Variants in HTR2A observed in about 807,000 individuals in gnomAD.
HTR2A encodes the protein 5-hydroxytryptamine receptor 2A, also known as 5-HT2 receptor.
In HTR2A, 14 loss-of-function variants were observed where a neutral mutation model predicts 31.0. The ratio of observed to expected loss-of-function variants is 0.45; its 90% CI spans 0.30 to 0.71. The LOEUF is 0.71. Among genes scored for constraint, HTR2A ranks in the 30% least tolerant of loss-of-function variants. The pLI is 0.09. For synonymous variants in HTR2A, 209 were observed against 225.2 expected (o/e 0.93, Z 0.64); for missense variants, 442 against 573.3 (o/e 0.77, Z 2.34).
At chr13:46,864,255 G>C (rs1950803327) in intron 3 of HTR2A, among the ~76,000 whole-genome samples, 1 of 152,180 alleles carries the variant, frequency 6.6e-6, no homozygotes, top group Non-Finnish European at 1.5e-5. Flanking sequence ...TGGAGGGTGG[G>C]GCCTGGGAGG....
chr13:46,885,253 G>A (rs1950997514), intron 3 of HTR2A, among the ~76,000 whole-genome samples: 2 of 152,192 alleles, frequency 1.3e-5, no homozygotes, highest in South Asian at 4.1e-4. Context: ...GATAGCATCT[G>A]CAGTGTGGAT....
intron 3 of HTR2A, among the ~76,000 whole-genome samples, chr13:46,863,657 A>AAAAAAAAAAAAAAAAAAAAAAAAAG (rs1566309853): frequency 8.5e-6 from 1 of 118,256 alleles, no homozygotes; most frequent in Non-Finnish European, 1.7e-5. Flanking sequence ...AAAGAAAAAA[A>AAAAAAAAAAAAAAAAAAAAAAAAAG]AAAAAGACAG....
chr13:46,849,169 C>T (rs1305794104), intron 3 of HTR2A, among the ~76,000 whole-genome samples: 1 of 152,214 alleles, frequency 6.6e-6, no homozygotes, highest in African/African-American at 2.4e-5. Flanking sequence ...AGCTTAAAAA[C>T]TTAGGAGTCT....
At chr13:46,842,363 T>C (rs1198576566) in intron 3 of HTR2A, among the ~76,000 whole-genome samples, 1 of 152,180 alleles carries the variant, frequency 6.6e-6, no homozygotes, top group African/African-American at 2.4e-5. Context: ...AGGGGGCAGA[T>C]TTTGGAGTGA....
intron 3 of HTR2A, among the ~76,000 whole-genome samples, chr13:46,867,201 AAGTC>A (rs1950824613): frequency 6.6e-6 from 1 of 152,332 alleles, no homozygotes; most frequent in Admixed American, 6.5e-5. Flanking sequence ...GTCCAAGTTT[AAGTC>A]CAGACATAAG....
intron 3 of HTR2A, among the ~76,000 whole-genome samples, chr13:46,851,078 G>A (rs1338423510): frequency 6.6e-6 from 1 of 152,188 alleles, no homozygotes; most frequent in Non-Finnish European, 1.5e-5. Flanking sequence ...TTTCAGGAAA[G>A]AGGTAATTAT....
At chr13:46,849,089 T>C (rs1220794863) in intron 3 of HTR2A, among the ~76,000 whole-genome samples, 2 of 152,172 alleles carry the variant, frequency 1.3e-5, no homozygotes, top group Non-Finnish European at 2.9e-5. Flanking sequence ...ACTAGGACTC[T>C]GGGTTGCACT....
chr13:46,867,988 G>A (rs1202129641), intron 3 of HTR2A, among the ~76,000 whole-genome samples: 2 of 152,126 alleles, frequency 1.3e-5, no homozygotes, highest in Non-Finnish European at 2.9e-5. Flanking sequence ...GTGGAAAATA[G>A]AATGGTTCAT....
intron 3 of HTR2A, among the ~76,000 whole-genome samples, chr13:46,847,239 A>C (rs953452976): frequency 6.6e-6 from 1 of 152,210 alleles, no homozygotes. Context: ...TCTTTCAAAG[A>C]TAGTTCTGCT....
intron 1 of HTR2A, 138 bp downstream of exon 1, chr13:46,896,534 CAA>C: frequency 1.4e-6 from 1 of 725,332 alleles, no homozygotes; most frequent in Admixed American, 3.5e-5. Context: ...AAAAGGAAAA[CAA>C]AAAAGTCTTA....
intron 3 of HTR2A, among the ~76,000 whole-genome samples, chr13:46,839,589 A>G (rs1950583618): frequency 2.0e-5 from 3 of 152,210 alleles, no homozygotes; most frequent in Admixed American, 6.5e-5. Flanking sequence ...TCCTTTATGA[A>G]CAAAACAGAC....
intron 3 of HTR2A, among the ~76,000 whole-genome samples, chr13:46,843,675 C>T (rs939180536): frequency 5.9e-5 from 9 of 152,114 alleles, no homozygotes; most frequent in Non-Finnish European, 1.0e-4. Context: ...GCAATCTAAA[C>T]GGCTACTGGG....
chr13:46,862,915 T>A (rs867434173), intron 3 of HTR2A, among the ~76,000 whole-genome samples: 2 of 152,262 alleles, frequency 1.3e-5, no homozygotes, highest in Non-Finnish European at 1.5e-5. Flanking sequence ...TGTAAATGAC[T>A]TAAATCACTA....
At chr13:46,876,268 C>A (rs758601684) in intron 3 of HTR2A, among the ~76,000 whole-genome samples, 2 of 151,972 alleles carry the variant, frequency 1.3e-5, no homozygotes, top group African/African-American at 4.8e-5. Flanking sequence ...CATCTCTGAT[C>A]CCCAATTTTT....
chr13:46,863,025 A>G (rs1387406411), intron 3 of HTR2A, among the ~76,000 whole-genome samples: 1 of 152,138 alleles, frequency 6.6e-6, no homozygotes, highest in South Asian at 2.1e-4. Context: ...TTCTGGTATA[A>G]CACTAGTTAC....
chr13:46,851,446 G>T (rs1950684373), intron 3 of HTR2A, among the ~76,000 whole-genome samples: 1 of 152,192 alleles, frequency 6.6e-6, no homozygotes, highest in African/African-American at 2.4e-5. Context: ...ATCCTGTGGA[G>T]AAGTTAATTT....
chr13:46,884,449 G>C (rs1269680462), intron 3 of HTR2A, among the ~76,000 whole-genome samples: 1 of 152,158 alleles, frequency 6.6e-6, no homozygotes, highest in Non-Finnish European at 1.5e-5. Flanking sequence ...CGGATCACGA[G>C]GTCAGGACAT....
intron 3 of HTR2A, among the ~76,000 whole-genome samples, chr13:46,861,659 T>C (rs1425462735): frequency 6.6e-6 from 1 of 152,212 alleles, no homozygotes; most frequent in Non-Finnish European, 1.5e-5. Context: ...CCTGTTAGGC[T>C]TATCAACTAA....
chr13:46,857,555 A>G (rs369580312), intron 3 of HTR2A, among the ~76,000 whole-genome samples: 30 of 152,148 alleles, frequency 2.0e-4, no homozygotes, highest in African/African-American at 7.2e-4. Flanking sequence ...ATACATAATC[A>G]CATTGATGAT....
Sources: allele counts gnomAD v4.1 joint callset (sites outside exome capture counted in the v4.1 genomes callset), GRCh38; gene constraint gnomAD v4.1.1; transcripts MANE v1.5; gene names NCBI Gene and HGNC (gene_info 2026-07-23, HGNC 2026-07-21).